The following CELF5 variants were observed in gnomAD, a reference collection of about 807,000 sequenced individuals.
CELF5 encodes the protein CUGBP Elav-like family member 5.
In CELF5, 6 loss-of-function variants were observed where a neutral mutation model predicts 54.9. The observed-to-expected ratio is 0.11, with a 90% CI of 0.06 to 0.22. The LOEUF (loss-of-function observed/expected upper bound fraction) is 0.22. Ranked by LOEUF, CELF5 falls within the 10% of genes least tolerant of loss-of-function variation. CELF5 has a pLI of 1.00. For synonymous variants in CELF5, 271 were observed against 290.9 expected (o/e 0.93, Z 0.70); for missense variants, 401 against 678.6 (o/e 0.59, Z 4.54).
chr19:3,248,853 T>TCTTCCCTCCTTCCTTC (rs1555719683), intron 1 of CELF5, among the ~76,000 whole-genome samples: 5 of 118,826 alleles, frequency 4.2e-5, no homozygotes, highest in African/African-American at 1.8e-4. Context: ...TTTCTTTCTT[T>TCTTCCCTCCTTCCTTC]CTTCCTTCCT....
intron 1 of CELF5, 129 bp downstream of exon 1, chr19:3,225,127 T>G: frequency 3.7e-6 from 2 of 539,726 alleles, no homozygotes; most frequent in Non-Finnish European, 3.0e-6. Flanking sequence ...TGCCGGAGCA[T>G]CGGTTCTTAC....
intron 1 of CELF5, among the ~76,000 whole-genome samples, chr19:3,226,126 C>T (rs1916894212): frequency 6.6e-6 from 1 of 152,112 alleles, no homozygotes; most frequent in African/African-American, 2.4e-5. Flanking sequence ...TGGACACCCC[C>T]GGCCCTCCCC....
rs1234089542 is a variant in CELF5 at position 3,248,889 on chromosome 19, CCTTCCTTCCTTCCTTCCTTTCTTT to C, written c.260-2092_260-2069del. On this transcript the variant is annotated intron_variant, in intron 1 of 12. Transcript: ENST00000292672. ...TCCTTCCTTCCTTCCTTCCTTCCTT[CCTTCCTTCCTTCCTTCCTTTCTTT>C]CTTTCTTTCTTTCTTTTCTTTTCTT... Among the ~76,000 whole-genome samples the C allele has an allele frequency of 2.2e-4, 26 of 120,806 alleles. 1 individual carries two copies. Among genetic ancestry groups the C allele is most frequent in the African/African-American group, 6.5e-4 (22 of 33,628 alleles). 79.3% of individuals were successfully genotyped at this position (120,806 alleles called of 152,430 possible). A position where few individuals can be genotyped will look rare whatever the true frequency, so the allele number is the denominator to read the frequency against.
rs535245379 is a variant in CELF5 at position 3,228,553 on chromosome 19, C to T, written c.259+3555C>T. On this transcript the variant is annotated intron_variant, in intron 1 of 12. Transcript: ENST00000292672. This position sits in a 1 kb window ranked among gnomAD's most constrained non-coding sequence, Gnocchi z 6.0. ...CCCCCGTTTATGGTAATCGCATATA[C>T]ATTTGCATGTTAATGACAATATTTG... is the stretch of plus-strand genomic sequence containing the variant. Among the ~76,000 whole-genome samples, 3 of 150,166 alleles carry T rather than the reference C, an allele frequency of 2.0e-5. No homozygotes were observed. The highest frequency in any genetic ancestry group is 7.3e-5 in the African/African-American group (3 of 41,140).
rs555672861 is a variant in CELF5, at chr19:3,263,562, A to G, written c.343-10310A>G. Among the ~76,000 whole-genome samples the G allele has an allele frequency of 3.3e-4, 46 of 141,246 alleles. No individual in the cohort carries two copies. In the South Asian group the frequency reaches 5.0e-3, roughly 15 times the overall value. The allele number at this position is 141,246 out of a possible 152,430, so 92.7% of individuals were successfully genotyped here. ...GGCGACAGAACAAGACACTGTTTCT[A>G]GAAACAAAGAAACAAACAAACAAAC... On this transcript the variant is annotated intron_variant, in intron 2 of 12. Transcript: ENST00000292672.
At chr19:3,233,135 A>T (rs892928889) in intron 1 of CELF5, among the ~76,000 whole-genome samples, 3 of 150,532 alleles carry the variant, frequency 2.0e-5, no homozygotes, top group Admixed American at 6.7e-5. Flanking sequence ...ATAAGTTTTT[A>T]AAAAAGCTGC....
chr19:3,266,104 G>C (rs777642263), intron 2 of CELF5, among the ~76,000 whole-genome samples: 2 of 152,250 alleles, frequency 1.3e-5, no homozygotes, highest in Non-Finnish European at 2.9e-5. Context: ...CACCACGCCC[G>C]ACCCCCACTT....
chr19:3,286,106 G>T (rs1244383550), intron 10 of CELF5, 81 bp downstream of exon 10: 23 of 1,250,666 alleles, frequency 1.8e-5, no homozygotes, highest in Non-Finnish European at 2.4e-5. Context: ...TGTCTGGCCC[G>T]GGCCTCTGGG....
chr19:3,225,012 C>T lies in CELF5; in HGVS notation c.259+14C>T. On this transcript the variant is annotated intron_variant, in intron 1 of 12. Coordinates refer to ENST00000292672, the MANE Select transcript of CELF5 (RefSeq NM_021938.4). ...GGATGCACAAAGGTGGGCGCCCGGCCCCCTCCCCCCTCTCCCCCTCCCTCC... is the reference window on the plus strand; with the variant it reads ...GGATGCACAAAGGTGGGCGCCCGGCTCCCTCCCCCCTCTCCCCCTCCCTCC... The T allele has an allele frequency of 1.5e-5, 20 of 1,332,878 alleles. No individual in the cohort carries two copies. Among genetic ancestry groups the T allele is most frequent in the Non-Finnish European group, 1.9e-5 (19 of 996,744 alleles). 82.6% of individuals were successfully genotyped at this position (1,332,878 alleles called of 1,614,324 possible).
chr19:3,267,087 G>C (rs868613299), intron 2 of CELF5, among the ~76,000 whole-genome samples: 10 of 137,182 alleles, frequency 7.3e-5, no homozygotes, highest in Middle Eastern at 3.3e-3. Flanking sequence ...GTGCGTGTGT[G>C]CATGTGTGTG....
chr19:3,244,749 AGT>A (rs979041533), intron 1 of CELF5, among the ~76,000 whole-genome samples: 2 of 125,300 alleles, frequency 1.6e-5, no homozygotes, highest in Non-Finnish European at 3.3e-5. Flanking sequence ...CCTTGTGTGT[AGT>A]GTGTGGTGTG....
chr19:3,281,071 G>A lies in CELF5; in HGVS notation c.604-128G>A. The A allele has an allele frequency of 2.6e-6, 3 of 1,151,846 alleles. No homozygotes were observed. The highest frequency in any genetic ancestry group is 2.5e-4 in the Middle Eastern group (1 of 3,934). 71.4% of individuals were successfully genotyped at this position (1,151,846 alleles called of 1,614,324 possible). ...CTGGCTCCTGGGGTGGGGGCCCGTGGACATGGCTGACAGCCACTGGCATTA... is the reference window on the plus strand; with the variant it reads ...CTGGCTCCTGGGGTGGGGGCCCGTGAACATGGCTGACAGCCACTGGCATTA... On this transcript the variant is annotated intron_variant, in intron 5 of 12. Transcript: ENST00000292672. The surrounding 1 kb of genome is among the most constrained non-coding windows in gnomAD (Gnocchi z 6.5).
chr19:3,287,751 TCAAAACAA>T (rs977623775), intron 10 of CELF5, among the ~76,000 whole-genome samples: 2 of 112,304 alleles, frequency 1.8e-5, no homozygotes, highest in African/African-American at 5.8e-5. Flanking sequence ...AGACCCTGTC[TCAAAACAA>T]CAAAACAACA....
At chr19:3,226,267 T>TTGAATGAATGAATGAA (rs112499585) in intron 1 of CELF5, among the ~76,000 whole-genome samples, 2 of 150,276 alleles carry the variant, frequency 1.3e-5, no homozygotes, top group Admixed American at 6.7e-5. Flanking sequence ...AATGAATGAA[T>TTGAATGAATGAATGAA]TGAATGAATG....
intron 2 of CELF5, 31 bp from the exon 3 acceptor site, chr19:3,273,841 C>T (rs1332337872): frequency 5.7e-6 from 9 of 1,592,356 alleles, no homozygotes; most frequent in African/African-American, 2.7e-5. Context: ...CACTGCTAAG[C>T]TTGACTTTTC....
At chr19:3,284,434 A>C (rs2080200360) in intron 8 of CELF5, among the ~76,000 whole-genome samples, 1 of 151,438 alleles carries the variant, frequency 6.6e-6, no homozygotes, top group Non-Finnish European at 1.5e-5. Flanking sequence ...TCCCTCCCCT[A>C]CCCCTTTCCC....
At chr19:3,251,131 C>T in intron 2 of CELF5, 64 bp downstream of exon 2, 2 of 1,237,794 alleles carry the variant, frequency 1.6e-6, no homozygotes, top group African/African-American at 1.5e-5. Context: ...GGGGTGGGAG[C>T]CAAGGCTCTT....
rs924600497 is a variant in CELF5 at position 3,228,070 on chromosome 19, G to C, written c.259+3072G>C. Among the ~76,000 whole-genome samples the C allele has an allele frequency of 6.6e-6, 1 of 152,028 alleles. No individual in the cohort carries two copies. The highest frequency in any genetic ancestry group is 1.5e-5 in the Non-Finnish European group (1 of 67,992). ...GAGGGATGCGTCGAGGTGGTCTTCC[G>C]AAAGAGGGCAGGCCCTGGGGCGCTG... On this transcript the variant is annotated intron_variant, in intron 1 of 12. Coordinates refer to ENST00000292672, the MANE Select transcript of CELF5 (RefSeq NM_021938.4). The surrounding 1 kb of genome is among the most constrained non-coding windows in gnomAD (Gnocchi z 6.0).
At chr19:3,287,156 C>T (rs1169880316) in intron 10 of CELF5, among the ~76,000 whole-genome samples, 3 of 151,620 alleles carry the variant, frequency 2.0e-5, no homozygotes, top group Non-Finnish European at 2.9e-5. Context: ...GAACACTATA[C>T]AGCAGTGAAA....
Sources: allele counts gnomAD v4.1 joint callset (sites outside exome capture counted in the v4.1 genomes callset), GRCh38; gene constraint gnomAD v4.1.1; non-coding constraint Gnocchi (gnomAD v3.1); transcripts MANE v1.5; gene names NCBI Gene and HGNC (gene_info 2026-07-23, HGNC 2026-07-21).